The following WDR77 variants were observed in gnomAD, a reference collection of about 807,000 sequenced individuals.
WDR77 encodes the protein WD repeat domain 77.
A neutral mutation model predicts 44.0 loss-of-function variants in WDR77; 31 were observed. The ratio of observed to expected loss-of-function variants is 0.70; its 90% CI spans 0.53 to 0.95. The LOEUF (loss-of-function observed/expected upper bound fraction) is 0.95, where lower values mean the gene tolerates loss of function less well. WDR77 is among the 40% of genes least tolerant of loss of function. The pLI is 0.00. For missense variants in WDR77, 390 were observed against 423.9 expected, an observed-to-expected ratio of 0.92 and a Z score of 0.70; for synonymous variants, 186 against 165.7, an observed-to-expected ratio of 1.12 and a Z score of -0.94.
chr1:111,442,594 C>A, intron 8 of WDR77, 59 bp downstream of exon 8: 1 of 1,218,260 alleles, frequency 8.2e-7, no homozygotes, highest in Non-Finnish European at 1.1e-6. Flanking sequence ...AAAACATACA[C>A]ACACACCCTC....
Position 111,441,226 on chromosome 1 carries a change from CA to C in WDR77, c.*3del. ...GGGGACTTGCTTTTTGTCTTAAATC[CA>C]ATCTACTCAGTAACACTTGCAGGTC... On this transcript the variant is annotated 3_prime_UTR_variant, in exon 10 of 10. Coordinates refer to ENST00000235090, the MANE Select transcript of WDR77 (RefSeq NM_024102.4). 6.7e-7 allele frequency: 1 copy of C among 1,496,788 alleles called. No homozygotes were observed. Among genetic ancestry groups the C allele is most frequent in the Non-Finnish European group, 8.9e-7 (1 of 1,119,662 alleles). The allele number at this position is 1,496,788 out of a possible 1,614,324, so 92.7% of individuals were successfully genotyped here. A position where few individuals can be genotyped will look rare whatever the true frequency, so the allele number is the denominator to read the frequency against.
In WDR77 at chr1:111,440,258, TC is replaced by T. The variant is rs1020932348; in HGVS notation, c.*971del. On this transcript the variant is annotated 3_prime_UTR_variant, in exon 10 of 10. Transcript: ENST00000235090. ...TCTAACTACACATAACACACATGCT[TC>T]AAAAAAGACAGGCCAACAATGCCTA... 3.3e-5 allele frequency: 5 copies of T among 152,300 alleles called. No individual in the cohort carries two copies. The highest frequency in any genetic ancestry group is 1.2e-4 in the African/African-American group (5 of 41,558). The allele number at this position is 152,300 out of a possible 1,614,324, so 9.4% of individuals were successfully genotyped here.
In WDR77 at chr1:111,440,429, T is replaced by C. The variant is rs1202864632; in HGVS notation, c.*801A>G. On this transcript the variant is annotated 3_prime_UTR_variant, in exon 10 of 10. Transcript: ENST00000235090. Reference sequence around the variant, plus strand: ...AGAAGATGTCAGGCCCCATGCTGTTTTGGGGTGGGAAAAGTGGCAAAGAAT... The same window carrying C: ...AGAAGATGTCAGGCCCCATGCTGTTCTGGGGTGGGAAAAGTGGCAAAGAAT... 6.6e-6 allele frequency: 1 copy of C among 152,134 alleles called. No individual in the cohort carries two copies. The highest frequency in any genetic ancestry group is 2.4e-5 in the African/African-American group (1 of 41,430). The allele number at this position is 152,134 out of a possible 1,614,324, so 9.4% of individuals were successfully genotyped here.
chr1:111,449,130 C>A lies in WDR77; in HGVS notation c.40G>T (p.Ala14Ser). ...ETPPPLVPPA[A>S]REWNLPPNAP... The stretch of plus-strand genomic sequence containing the variant: ...TTTGGGGGAAGATTCCACTCCCGGG[C>A]CGCCGGGGGCACTAGGGGGGGTGGG... The change falls in exon 1 of 10, where the codon GCC (alanine) becomes TCC (serine). Residue 14 changes from alanine to serine, a missense_variant. Coordinates refer to ENST00000235090, the MANE Select transcript of WDR77 (RefSeq NM_024102.4). 1.2e-6 allele frequency: 2 copies of A among 1,600,120 alleles called. No individual in the cohort carries two copies. The highest frequency in any genetic ancestry group is 1.1e-5 in the South Asian group (1 of 89,520).
Position 111,443,137 on chromosome 1 carries a change from G to C in WDR77, c.691+186C>G, listed in dbSNP as rs572621116. On this transcript the variant is annotated intron_variant, in intron 7 of 9. Transcript: ENST00000235090. ...TCAAATCCACTGGGAAAATAATCAT[G>C]TTCTCCAAAACTACACTAAAACTAC... 2.0e-5 allele frequency among the ~76,000 whole-genome samples: 3 copies of C among 152,228 alleles called. No homozygotes were observed. The East Asian group carries it at 5.8e-4, about 29-fold the overall frequency.
intron 9 of WDR77, 176 bp from the exon 10 acceptor site, chr1:111,441,565 T>G: frequency 7.7e-7 from 1 of 1,300,218 alleles, no homozygotes. Flanking sequence ...ATGTCATCAG[T>G]CATCCAATCC....
rs772938004 is a variant in WDR77 at position 111,448,679 on chromosome 1, C to A, written c.241G>T (p.Ala81Ser). The part of the protein sequence containing the change: ...GFCSAGVQTE[A>S]GVADLTWVGE... ...ACCCAAGTGAGGTCAGCCACTCCAG[C>A]CTCCGTTTGGACTCCGGCGGAGCAG... The change falls in exon 2 of 10, where the codon GCT (alanine) becomes TCT (serine). Residue 81 changes from alanine (A) to serine (S), a missense_variant. Coordinates refer to ENST00000235090, the MANE Select transcript of WDR77 (RefSeq NM_024102.4). The A allele has an allele frequency of 1.2e-6, 2 of 1,614,208 alleles. No individual in the cohort carries two copies. Among genetic ancestry groups the A allele is most frequent in the Admixed American group, 3.3e-5 (2 of 60,024 alleles).
intron 4 of WDR77, 195 bp downstream of exon 4, chr1:111,446,900 T>C (rs1653057021): frequency 6.6e-6 from 4 of 604,082 alleles, no homozygotes; most frequent in Middle Eastern, 5.9e-4. Context: ...TGCACTTGAC[T>C]AGTCGAATTA....
chr1:111,440,960 AT>A lies in WDR77; in HGVS notation c.*269del, dbSNP rs1223805156. 6.5e-5 allele frequency: 16 copies of A among 245,616 alleles called. No individual in the cohort carries two copies. The highest frequency in any genetic ancestry group is 9.2e-5 in the Non-Finnish European group (12 of 130,514). 15.2% of individuals were successfully genotyped at this position (245,616 alleles called of 1,614,324 possible). A position where few individuals can be genotyped will look rare whatever the true frequency, so the allele number is the denominator to read the frequency against. On this transcript the variant is annotated 3_prime_UTR_variant, in exon 10 of 10. Coordinates refer to ENST00000235090, the MANE Select transcript of WDR77 (RefSeq NM_024102.4). ...AGTGCTTAGGGAAGATGTAGGATGG[AT>A]TTTTTTTATTCCTGCCACTACCAAA...
In WDR77 at chr1:111,443,365, A is replaced by G. The variant is rs1222928304; in HGVS notation, c.649T>C (p.Ser217Pro). Residue 217 changes from serine (S) to proline (P), a missense_variant, in exon 7 of 10, where the codon TCG becomes CCG. Transcript: ENST00000235090. Reference protein sequence around the residue: ...GCSAPGYLPTSLAWHPQQSEV... With the variant: ...GCSAPGYLPTPLAWHPQQSEV... ...CTTTGCTGAGGATGCCAAGCCAGCG[A>G]GGTAGGAAGGTAGCCAGGCGCACTG... The G allele has an allele frequency of 6.4e-7, 1 of 1,552,248 alleles. No homozygotes were observed. The highest frequency in any genetic ancestry group is 8.7e-7 in the Non-Finnish European group (1 of 1,147,300).
intron 4 of WDR77, among the ~76,000 whole-genome samples, chr1:111,445,603 T>C (rs2101745528): frequency 6.6e-6 from 1 of 151,520 alleles, no homozygotes; most frequent in Non-Finnish European, 1.5e-5. Context: ...CTACAAAAAA[T>C]AGAAAAATAA....
At chr1:111,446,721 C>CA in intron 4 of WDR77, 1 of 179,424 alleles carries the variant, frequency 5.6e-6, no homozygotes, top group Non-Finnish European at 1.2e-5. Flanking sequence ...GGTGGGAAAA[C>CA]AGAAGAGGTG....
chr1:111,447,466 T>C lies in WDR77; in HGVS notation c.412A>G (p.Thr138Ala). 6.2e-7 allele frequency: 1 copy of C among 1,614,202 alleles called. No homozygotes were observed. Among genetic ancestry groups the C allele is most frequent in the Non-Finnish European group, 8.5e-7 (1 of 1,180,032 alleles). Reference protein sequence around the residue: ...VSTVSVLSSGTQAVSGSKDIC... With the variant: ...VSTVSVLSSGAQAVSGSKDIC... The stretch of plus-strand genomic sequence containing the variant: ...TCTTTGCTACCACTGACAGCTTGTG[T>C]GCCAGAGCTCAAGACACTGACTGTA... The change falls in exon 3 of 10, where the codon ACA (threonine) becomes GCA (alanine). Residue 138 changes from threonine (T) to alanine (A), a missense_variant. By Grantham distance (58) the Thr-to-Ala change is moderately conservative (BLOSUM62 0). Coordinates refer to ENST00000235090, the MANE Select transcript of WDR77 (RefSeq NM_024102.4).
Position 111,449,039 on chromosome 1 carries a change from C to G in WDR77, c.115+16G>C. 1 of 1,569,150 alleles carries G rather than the reference C, an allele frequency of 6.4e-7. No individual in the cohort carries two copies. Among genetic ancestry groups the G allele is most frequent in the Non-Finnish European group, 8.6e-7 (1 of 1,158,882 alleles). ...GCCGGGGTAAGGGAGCTCCCAGGCC[C>G]GGGATCTCGGCTCACCGGACCGGTA... On this transcript the variant is annotated intron_variant, in intron 1 of 9. Coordinates refer to ENST00000235090, the MANE Select transcript of WDR77 (RefSeq NM_024102.4).
chr1:111,442,629 G>C, intron 8 of WDR77, 24 bp downstream of exon 8: 1 of 1,499,366 alleles, frequency 6.7e-7, no homozygotes, highest in Admixed American at 2.0e-5. Flanking sequence ...TACCCATCAG[G>C]CCCCTGATGA....
At chr1:111,447,345 A>G in intron 3 of WDR77, 90 bp downstream of exon 3, 1 of 1,569,942 alleles carries the variant, frequency 6.4e-7, no homozygotes, top group Non-Finnish European at 8.7e-7. Flanking sequence ...TTCTTAGAAT[A>G]AGCCCAAAAT....
chr1:111,447,400 G>A (rs1288465520), intron 3 of WDR77, 35 bp downstream of exon 3: 6 of 1,612,968 alleles, frequency 3.7e-6, no homozygotes, highest in African/African-American at 1.3e-5. Context: ...CCCACAGGAG[G>A]CTTAGAGACA....
chr1:111,443,604 C>T lies in WDR77; in HGVS notation c.620-210G>A, dbSNP rs536990225. On this transcript the variant is annotated intron_variant, in intron 6 of 9. Coordinates refer to ENST00000235090, the MANE Select transcript of WDR77 (RefSeq NM_024102.4). Reference sequence around the variant, plus strand: ...ACGAGTCACAGGCAAGTTTCAGGCACGAATCATGACGATAACAATTCTGGC... The same window carrying T: ...ACGAGTCACAGGCAAGTTTCAGGCATGAATCATGACGATAACAATTCTGGC... 2.5e-5 allele frequency: 24 copies of T among 969,272 alleles called. No homozygotes were observed. In the East Asian group the frequency reaches 6.9e-4, roughly 28 times the overall value. 60.0% of individuals were successfully genotyped at this position (969,272 alleles called of 1,614,324 possible). A position where few individuals can be genotyped will look rare whatever the true frequency, so the allele number is the denominator to read the frequency against.
intron 6 of WDR77, 151 bp from the exon 7 acceptor site, chr1:111,443,545 C>G: frequency 7.8e-7 from 1 of 1,284,176 alleles, no homozygotes; most frequent in Non-Finnish European, 1.1e-6. Flanking sequence ...GCCTCATAAC[C>G]ATTTATCCCA....
Sources: gnomAD v4.1 joint callset for allele counts (sites outside exome capture counted in the v4.1 genomes callset) on GRCh38, gnomAD v4.1.1 for gene constraint, MANE v1.5 for transcripts, NCBI Gene and HGNC (gene_info 2026-07-23, HGNC 2026-07-21) for gene names.